PPT1: variants seen among roughly 807,000 people sequenced by gnomAD.
The protein encoded by PPT1 is palmitoyl-protein thioesterase 1.
PPT1 carries 24 observed loss-of-function variants against 44.0 expected under a neutral mutation model. The ratio of observed to expected loss-of-function variants is 0.54; its 90% CI spans 0.39 to 0.77. The LOEUF is 0.77. PPT1 is among the 30% of genes least tolerant of loss of function. The probability of loss-of-function intolerance (pLI) is 0.00; values close to 1 mark genes in which losing one functional copy is unlikely to be tolerated. For synonymous variants in PPT1, 148 were observed against 140.2 expected, an observed-to-expected ratio of 1.06 and a Z score of -0.39; for missense variants, 341 against 378.8, an observed-to-expected ratio of 0.90 and a Z score of 0.83.
intron 8 of PPT1, among the ~76,000 whole-genome samples, chr1:40,074,397 T>G (rs2124466389): frequency 6.6e-6 from 1 of 150,666 alleles, no homozygotes; most frequent in South Asian, 2.1e-4. Context: ...TTTCTTTTCT[T>G]TCTTCTCTCC....
chr1:40,071,947 A>C (rs766775239), downstream of PPT1: 1 of 409,054 alleles, frequency 2.4e-6, no homozygotes, highest in Non-Finnish European at 4.3e-6. Flanking sequence ...AGGTAGCAGA[A>C]GCTGGTGTGT....
rs1458452493 is a variant in PPT1, at chr1:40,078,660, TGAAA to T, written c.628-6_628-3del. 2 of 1,611,980 alleles carry T rather than the reference TGAAA, an allele frequency of 1.2e-6. No individual in the cohort carries two copies. The highest frequency in any genetic ancestry group is 1.7e-6 in the Non-Finnish European group (2 of 1,178,388). On this transcript the variant is annotated splice_polypyrimidine_tract_variant and splice_region_variant and intron_variant, in intron 6 of 8. Coordinates refer to ENST00000642050, the MANE Select transcript of PPT1 (RefSeq NM_000310.4). ...TTTCTTGTAGGACTCATTGATACCCTGAAAGAAAGGCCAGCAACACCTAAGGTCA... is the reference window on the plus strand; with the variant it reads ...TTTCTTGTAGGACTCATTGATACCCTGAAAGGCCAGCAACACCTAAGGTCA...
intron 5 of PPT1, among the ~76,000 whole-genome samples, chr1:40,084,611 G>A (rs770931140): frequency 6.6e-6 from 1 of 152,228 alleles, no homozygotes; most frequent in East Asian, 1.9e-4. Flanking sequence ...GCAAGAGACC[G>A]AGGGCATGAG....
At chr1:40,087,944 A>C (rs1036817249) in intron 5 of PPT1, among the ~76,000 whole-genome samples, 8 of 151,154 alleles carry the variant, frequency 5.3e-5, no homozygotes, top group African/African-American at 1.9e-4. Context: ...AACGAGTGGG[A>C]AAAGAAAAGA....
chr1:40,074,159 C>T lies in PPT1; in HGVS notation c.823G>A (p.Asp275Asn). 6.2e-7 allele frequency: 1 copy of T among 1,614,136 alleles called. No individual in the cohort carries two copies. Among genetic ancestry groups the T allele is most frequent in the Non-Finnish European group, 8.5e-7 (1 of 1,180,008 alleles). The part of the protein sequence containing the change: ...TQDRLGLKEM[D>N]NAGQLVFLAT... ...AGAAACACTAGCTGTCCTGCATTGT[C>T]CATTTCCTTTAGCCCCAGGCGGTCC... The change falls in exon 9 of 9, where the codon GAC (aspartate) becomes AAC (asparagine). Residue 275 changes from aspartate to asparagine, a missense_variant. Physicochemically the swap from Asp to Asn is conservative, Grantham distance 23. Transcript: ENST00000642050.
chr1:40,078,757 T>C (rs1293418407), intron 6 of PPT1, 99 bp from the exon 7 acceptor site: 1 of 1,005,912 alleles, frequency 9.9e-7, no homozygotes. Flanking sequence ...CCTGTGCCAC[T>C]GTGTTTCTTC....
intron 3 of PPT1, 95 bp downstream of exon 3, chr1:40,091,950 G>A: frequency 6.8e-7 from 1 of 1,463,972 alleles, no homozygotes; most frequent in Non-Finnish European, 9.5e-7. Context: ...TCCAAGATAG[G>A]TGACAATCTT....
At chr1:40,077,015 C>T (rs1367050125) in intron 7 of PPT1, 102 bp from the exon 8 acceptor site, 2 of 1,370,070 alleles carry the variant, frequency 1.5e-6, no homozygotes, top group Non-Finnish European at 1.0e-6. Context: ...ACAAAGTGAA[C>T]ATCATAAAGC....
intron 2 of PPT1, 90 bp from the exon 3 acceptor site, chr1:40,092,262 T>A: frequency 6.3e-7 from 1 of 1,579,214 alleles, no homozygotes; most frequent in Non-Finnish European, 8.7e-7. Flanking sequence ...TAGGTTGGTA[T>A]CCTCACATGA....
rs549523585 is a variant in PPT1, at chr1:40,073,057, G to C, written c.*1004C>G. 1.3e-5 allele frequency: 2 copies of C among 152,368 alleles called. No homozygotes were observed. The highest frequency in any genetic ancestry group is 1.3e-4 in the Admixed American group (2 of 15,312). 9.4% of individuals were successfully genotyped at this position (152,368 alleles called of 1,614,324 possible). The stretch of plus-strand genomic sequence containing the variant: ...GGAGTCCTTAGACACTCTAATGTGG[G>C]TTGATCTCCAGAAGGAGAAAGGGAG... On this transcript the variant is annotated 3_prime_UTR_variant, in exon 9 of 9. Transcript: ENST00000642050.
At chr1:40,092,292 A>G (rs1218149245) in intron 2 of PPT1, 106 bp downstream of exon 2, 3 of 1,534,154 alleles carry the variant, frequency 2.0e-6, no homozygotes, top group Non-Finnish European at 2.7e-6. Context: ...GGGTGAAAGT[A>G]TCACTGTATG....
At chr1:40,082,397 T>C (rs1648992383) in intron 5 of PPT1, 1 of 149,528 alleles carries the variant, frequency 6.7e-6, no homozygotes, top group Non-Finnish European at 1.5e-5. Context: ...TTTAAAGGTT[T>C]AGAACTCTGA....
intron 5 of PPT1, among the ~76,000 whole-genome samples, chr1:40,084,763 A>C (rs1649164905): frequency 1.3e-5 from 2 of 152,246 alleles, no homozygotes; most frequent in Non-Finnish European, 2.9e-5. Context: ...CTTGCCCTAC[A>C]ATCATAACCT....
intron 1 of PPT1, 41 bp downstream of exon 1, chr1:40,097,070 AAGAG>A: frequency 6.2e-7 from 1 of 1,613,872 alleles, no homozygotes; most frequent in Non-Finnish European, 8.5e-7. Context: ...CCAGGCTAGG[AAGAG>A]AGAGAATCGC....
downstream of PPT1, chr1:40,072,184 G>GGAGT (rs1648163765): frequency 7.6e-6 from 3 of 396,882 alleles, no homozygotes; most frequent in Non-Finnish European, 1.3e-5. Context: ...GGCAGTTAAT[G>GGAGT]GAGTCTTGGA....
chr1:40,092,016 G>A, intron 3 of PPT1, 29 bp downstream of exon 3: 7 of 1,612,654 alleles, frequency 4.3e-6, no homozygotes, highest in Non-Finnish European at 5.9e-6. Flanking sequence ...TTCCATATAA[G>A]TGGTACAATA....
intron 6 of PPT1, among the ~76,000 whole-genome samples, chr1:40,079,044 T>G (rs1052370617): frequency 6.6e-6 from 1 of 152,162 alleles, no homozygotes; most frequent in Non-Finnish European, 1.5e-5. Flanking sequence ...CATCTTTATA[T>G]TCACGTGTAC....
At position 40,080,450 on chromosome 1, in the gene PPT1, C is replaced by T. The variant is rs1557708202; in HGVS notation, c.574G>A (p.Glu192Lys). 3 of 1,614,010 alleles carry T rather than the reference C, an allele frequency of 1.9e-6. No homozygotes were observed. Among genetic ancestry groups the T allele is most frequent in the Admixed American group, 1.7e-5 (1 of 60,008 alleles). The change falls in exon 6 of 9, where the codon GAG becomes AAG. Residue 192 changes from glutamate to lysine, a missense_variant. Glu to Lys is a moderately conservative substitution (Grantham distance 56). Coordinates refer to ENST00000642050, the MANE Select transcript of PPT1 (RefSeq NM_000310.4). ...ATGCTGTGGTTGCGATACACATCCT[C>T]CTTTATGGGGTCATGCCAGTATTCG... ...QAEYWHDPIKEDVYRNHSIFL... is the reference protein window; with the variant it reads ...QAEYWHDPIKKDVYRNHSIFL...
At chr1:40,085,404 AG>A (rs1649209719) in intron 5 of PPT1, among the ~76,000 whole-genome samples, 1 of 151,916 alleles carries the variant, frequency 6.6e-6, no homozygotes, top group African/African-American at 2.4e-5. Flanking sequence ...AATAAATATC[AG>A]CGCAGCCTGG....
Sources: gnomAD v4.1 joint callset for allele counts (sites outside exome capture counted in the v4.1 genomes callset) on GRCh38, gnomAD v4.1.1 for gene constraint, MANE v1.5 for transcripts, NCBI Gene and HGNC (gene_info 2026-07-23, HGNC 2026-07-21) for gene names.